Variants in KCNAB1 observed in about 807,000 individuals in gnomAD.
KCNAB1 encodes the protein voltage-gated potassium channel subunit beta-1.
Under a neutral mutation model 64.6 loss-of-function variants are expected in KCNAB1, and 35 were observed. The observed-to-expected ratio is 0.54, with a 90% CI of 0.41 to 0.72. KCNAB1 has a LOEUF of 0.72. KCNAB1 is among the 30% of genes least tolerant of loss of function. The pLI, the probability that KCNAB1 is intolerant of heterozygous loss-of-function variation, is 0.00. For synonymous variants in KCNAB1, 177 were observed against 183.8 expected (o/e 0.96, Z 0.30); for missense variants, 401 against 512.9 (o/e 0.78, Z 2.11).
intron 8 of KCNAB1, among the ~76,000 whole-genome samples, chr3:156,509,965 T>C (rs1312738100): frequency 6.6e-6 from 1 of 152,230 alleles, no homozygotes; most frequent in Non-Finnish European, 1.5e-5. Flanking sequence ...TGTTTCCTAT[T>C]AGTAAGCTAA....
Position 156,156,289 on chromosome 3 carries a change from A to G in KCNAB1, c.275+35403A>G, listed in dbSNP as rs114457391. Among the ~76,000 whole-genome samples, 1,388 of 150,216 alleles carry G rather than the reference A, an allele frequency of 9.2e-3. 32 individuals are homozygous for G. The highest frequency in any genetic ancestry group is 0.031 in the African/African-American group (1,283 of 41,372). On this transcript the variant is annotated intron_variant, in intron 1 of 13. Transcript: ENST00000490337. ...TACTGCACAATAGGCACATTGTACA[A>G]AAATGTGTAGGCCATTTTAAAGGTG... is the stretch of plus-strand genomic sequence containing the variant.
intron 1 of KCNAB1, chr3:156,143,289 T>A: frequency 6.2e-7 from 1 of 1,613,836 alleles, no homozygotes; most frequent in Non-Finnish European, 8.5e-7. Context: ...TGACCAAGAC[T>A]CAGCCTCAGG....
At chr3:156,253,620 T>C (rs1168193648) in intron 1 of KCNAB1, among the ~76,000 whole-genome samples, 1 of 152,238 alleles carries the variant, frequency 6.6e-6, no homozygotes, top group African/African-American at 2.4e-5. Flanking sequence ...TTTATTCCCT[T>C]TCTTCTAAGC....
In KCNAB1 at chr3:156,405,647, G is replaced by A. The variant is rs116104326; in HGVS notation, c.276-15969G>A. 6.3e-3 allele frequency among the ~76,000 whole-genome samples: 959 copies of A among 151,338 alleles called. 14 individuals carry two copies. The highest frequency in any genetic ancestry group is 0.022 in the African/African-American group (928 of 41,338). The stretch of plus-strand genomic sequence containing the variant: ...ACTATTTTTAGGCTTTTTTATCTAC[G>A]CATTTTTAAAGATCATACTAAAACC... On this transcript the variant is annotated intron_variant, in intron 1 of 13. Coordinates refer to ENST00000490337, the MANE Select transcript of KCNAB1 (RefSeq NM_172160.3).
At chr3:156,232,988 A>G (rs940731614) in intron 1 of KCNAB1, among the ~76,000 whole-genome samples, 2 of 152,158 alleles carry the variant, frequency 1.3e-5, no homozygotes, top group African/African-American at 2.4e-5. Context: ...CCTGTGGATT[A>G]TTATACCTCT....
chr3:156,189,319 G>T (rs1437724891), intron 1 of KCNAB1, among the ~76,000 whole-genome samples: 2 of 152,218 alleles, frequency 1.3e-5, no homozygotes, highest in African/African-American at 4.8e-5. Context: ...GCCTAGTCCA[G>T]GGAGCCACCC....
intron 8 of KCNAB1, among the ~76,000 whole-genome samples, chr3:156,498,309 T>A (rs568924227): frequency 1.5e-4 from 23 of 152,292 alleles, no homozygotes; most frequent in Non-Finnish European, 2.6e-4. Context: ...TTCAGCTGCG[T>A]CCCCACCCAA....
intron 1 of KCNAB1, among the ~76,000 whole-genome samples, chr3:156,171,906 A>C (rs1023875788): frequency 6.6e-6 from 1 of 152,230 alleles, no homozygotes; most frequent in South Asian, 2.1e-4. Context: ...GTAATTATTT[A>C]ATCTGACCAA....
At chr3:156,360,550 A>G (rs1725534338) in intron 1 of KCNAB1, among the ~76,000 whole-genome samples, 1 of 151,988 alleles carries the variant, frequency 6.6e-6, no homozygotes, top group Non-Finnish European at 1.5e-5. Context: ...TTCTCTACAA[A>G]ATAAAAATAA....
chr3:156,459,962 G>A lies in KCNAB1; in HGVS notation c.482+91G>A, dbSNP rs66472718. 1.5e-3 allele frequency: 1,257 copies of A among 857,340 alleles called. 3 individuals are homozygous for A. Among genetic ancestry groups the A allele is most frequent in the Non-Finnish European group, 2.0e-3 (1,090 of 533,874 alleles). 53.1% of individuals were successfully genotyped at this position (857,340 alleles called of 1,614,324 possible). On this transcript the variant is annotated intron_variant, in intron 5 of 13. Transcript: ENST00000490337. ...AAAATTATATGACACCTGACCAAAA[G>A]GCTGTCAAAAAAAATCAACTGTTTT...
intron 1 of KCNAB1, among the ~76,000 whole-genome samples, chr3:156,214,608 A>G (rs1348190119): frequency 6.6e-6 from 1 of 152,200 alleles, no homozygotes; most frequent in Non-Finnish European, 1.5e-5. Flanking sequence ...GCAGATAGTT[A>G]CCTGACTGCA....
At chr3:156,399,090 T>C (rs1016528513) in intron 1 of KCNAB1, among the ~76,000 whole-genome samples, 1 of 152,226 alleles carries the variant, frequency 6.6e-6, no homozygotes, top group Non-Finnish European at 1.5e-5. Flanking sequence ...CATTTGGGCA[T>C]TTTTTACTTA....
At chr3:156,431,830 G>A (rs1716231987) in intron 2 of KCNAB1, among the ~76,000 whole-genome samples, 1 of 152,218 alleles carries the variant, frequency 6.6e-6, no homozygotes, top group African/African-American at 2.4e-5. Flanking sequence ...TCTGTGAGCT[G>A]CAGGTTTGTT....
intron 1 of KCNAB1, among the ~76,000 whole-genome samples, chr3:156,234,043 G>T (rs1353830965): frequency 1.3e-5 from 2 of 151,934 alleles, no homozygotes; most frequent in Admixed American, 6.6e-5. Context: ...AATGAGGGAG[G>T]CATCAGCTCA....
intron 2 of KCNAB1, among the ~76,000 whole-genome samples, chr3:156,441,968 AT>A (rs887796676): frequency 7.7e-4 from 117 of 152,298 alleles, no homozygotes; most frequent in African/African-American, 2.7e-3. Flanking sequence ...TTTTAAATAA[AT>A]TTTGCTTCTG....
At chr3:156,196,269 T>G (rs1042102125) in intron 1 of KCNAB1, among the ~76,000 whole-genome samples, 1 of 152,210 alleles carries the variant, frequency 6.6e-6, no homozygotes, top group African/African-American at 2.4e-5. Context: ...TTCTTTTTGC[T>G]TAGGATTGTC....
chr3:156,474,675 C>T (rs984670559), intron 7 of KCNAB1, 59 bp from the exon 8 acceptor site: 5 of 1,237,314 alleles, frequency 4.0e-6, no homozygotes, highest in African/African-American at 3.0e-5. Flanking sequence ...AACCAAACTT[C>T]AACTCTGAAT....
At chr3:156,291,986 T>C (rs1720467058) in intron 1 of KCNAB1, 2 of 1,613,896 alleles carry the variant, frequency 1.2e-6, no homozygotes, top group Non-Finnish European at 1.7e-6. Context: ...CAAGCAGAGC[T>C]CCACCGCCCC....
chr3:156,331,641 T>C (rs1351031015), intron 1 of KCNAB1, among the ~76,000 whole-genome samples: 1 of 152,204 alleles, frequency 6.6e-6, no homozygotes, highest in Non-Finnish European at 1.5e-5. Context: ...AATGGCTTTT[T>C]TTTTAAATTA....
Sources: gnomAD v4.1 joint callset for allele counts (sites outside exome capture counted in the v4.1 genomes callset) on GRCh38, gnomAD v4.1.1 for gene constraint, MANE v1.5 for transcripts, NCBI Gene and HGNC (gene_info 2026-07-23, HGNC 2026-07-21) for gene names.